The following FAM171B variants were observed in gnomAD, a reference collection of about 807,000 sequenced individuals.
The protein encoded by FAM171B is protein FAM171B.
Under a neutral mutation model 75.6 loss-of-function variants are expected in FAM171B, and 19 were observed. That is an observed-to-expected ratio of 0.25 (90% CI 0.18 to 0.37). The LOEUF is 0.37. Among genes scored for constraint, FAM171B ranks in the 10% least tolerant of loss-of-function variants. The pLI is 1.00. For synonymous variants in FAM171B, 367 were observed against 361.7 expected, an observed-to-expected ratio of 1.01 and a Z score of -0.17; for missense variants, 848 against 982.4, an observed-to-expected ratio of 0.86 and a Z score of 1.83.
chr2:186,747,396 G>A, intron 4 of FAM171B, 146 bp downstream of exon 4: 1 of 454,366 alleles, frequency 2.2e-6, no homozygotes, highest in Non-Finnish European at 3.5e-6. Flanking sequence ...TTATTAAAAT[G>A]TATATAATAA....
intron 1 of FAM171B, among the ~76,000 whole-genome samples, chr2:186,706,306 T>C (rs556284982): frequency 3.3e-5 from 5 of 152,236 alleles, no homozygotes; most frequent in Non-Finnish European, 7.3e-5. Context: ...TTTAACTTGC[T>C]ATTTTTATCA....
chr2:186,700,511 T>G (rs889759635), intron 1 of FAM171B, among the ~76,000 whole-genome samples: 1 of 152,202 alleles, frequency 6.6e-6, no homozygotes, highest in Non-Finnish European at 1.5e-5. Context: ...ATGGCGTGTG[T>G]CCAGCTTCTT....
At chr2:186,717,519 T>C (rs1689890630) in intron 1 of FAM171B, among the ~76,000 whole-genome samples, 1 of 152,184 alleles carries the variant, frequency 6.6e-6, no homozygotes, top group African/African-American at 2.4e-5. Flanking sequence ...AGGAGGACGG[T>C]AGATGAGTCT....
chr2:186,744,561 C>T (rs941830956), intron 3 of FAM171B, among the ~76,000 whole-genome samples: 4 of 152,180 alleles, frequency 2.6e-5, no homozygotes, highest in African/African-American at 7.2e-5. Flanking sequence ...GAGTTTCGCT[C>T]TTGTTGCCCA....
chr2:186,761,537 A>G lies in FAM171B; in HGVS notation c.1195A>G (p.Lys399Glu). The G allele has an allele frequency of 1.2e-6, 2 of 1,604,752 alleles. No individual in the cohort carries two copies. The highest frequency in any genetic ancestry group is 1.7e-6 in the Non-Finnish European group (2 of 1,177,400). The change falls in exon 8 of 8, where the codon AAG (lysine) becomes GAG (glutamate). Residue 399 changes from lysine to glutamate, a missense_variant. Lys to Glu is a moderately conservative substitution (Grantham distance 56). Coordinates refer to ENST00000304698, the MANE Select transcript of FAM171B (RefSeq NM_177454.4). ...AAATATCACTAAACTTGAGGTCCTC[A>G]AGAGAGACCAGACAACTTCAACAAC... ...ERNITKLEVL[K>E]RDQTTSTTHI...
chr2:186,702,620 G>T (rs1226184828), intron 1 of FAM171B, among the ~76,000 whole-genome samples: 1 of 152,040 alleles, frequency 6.6e-6, no homozygotes. Context: ...TGAATATAAG[G>T]CCAGTTTATT....
chr2:186,761,507 G>A lies in FAM171B; in HGVS notation c.1165G>A (p.Glu389Lys). The A allele has an allele frequency of 6.3e-7, 1 of 1,583,502 alleles. No homozygotes were observed. Among genetic ancestry groups the A allele is most frequent in the East Asian group, 2.2e-5 (1 of 44,728 alleles). The change falls in exon 8 of 8, where the codon GAA becomes AAA. Residue 389 changes from glutamate to lysine, a missense_variant. By Grantham distance (56) the Glu-to-Lys change is moderately conservative (BLOSUM62 1). Around this residue, in one of 3 missense-constraint regions of FAM171B, gnomAD observed 665 missense variants for 729.0 expected, o/e 0.91. Coordinates refer to ENST00000304698, the MANE Select transcript of FAM171B (RefSeq NM_177454.4). ...RDKCGTPQKRERNITKLEVLK... is the reference protein window; with the variant it reads ...RDKCGTPQKRKRNITKLEVLK... Reference sequence around the variant, plus strand: ...CAAGTGTGGTACTCCACAGAAAAGAGAAAGAAATATCACTAAACTTGAGGT... The same window carrying A: ...CAAGTGTGGTACTCCACAGAAAAGAAAAAGAAATATCACTAAACTTGAGGT...
intron 6 of FAM171B, among the ~76,000 whole-genome samples, chr2:186,759,303 T>A (rs1690581072): frequency 6.6e-6 from 1 of 152,080 alleles, no homozygotes; most frequent in Non-Finnish European, 1.5e-5. Context: ...CGCTGCTGGG[T>A]TAGGGTCTTC....
chr2:186,717,302 G>T (rs1441683041), intron 1 of FAM171B, among the ~76,000 whole-genome samples: 4 of 152,178 alleles, frequency 2.6e-5, no homozygotes, highest in African/African-American at 7.2e-5. Context: ...ATTGCATGAA[G>T]AATTTTTGTG....
intron 3 of FAM171B, among the ~76,000 whole-genome samples, chr2:186,744,845 T>G (rs959212715): frequency 6.6e-6 from 1 of 151,074 alleles, no homozygotes; most frequent in Non-Finnish European, 1.5e-5. Flanking sequence ...TTTTTTTTTT[T>G]TTTGAGACAG....
intron 1 of FAM171B, chr2:186,695,178 G>C (rs565286761): frequency 7.2e-5 from 11 of 152,334 alleles, no homozygotes; most frequent in African/African-American, 2.6e-4. Flanking sequence ...ACTTAAATGA[G>C]GCAGATTCTT....
chr2:186,731,337 A>G (rs1438249263), intron 1 of FAM171B, among the ~76,000 whole-genome samples: 1 of 152,178 alleles, frequency 6.6e-6, no homozygotes, highest in East Asian at 1.9e-4. Flanking sequence ...CTGGAAGGAG[A>G]GGGACTAGGG....
Position 186,720,456 on chromosome 2 carries a change from A to G in FAM171B, c.239-19772A>G, listed in dbSNP as rs188796146. Among the ~76,000 whole-genome samples, 282 of 152,244 alleles carry G rather than the reference A, an allele frequency of 1.9e-3. 1 individual carries two copies. The highest frequency in any genetic ancestry group is 3.1e-3 in the Non-Finnish European group (210 of 68,006). On this transcript the variant is annotated intron_variant, in intron 1 of 7. Coordinates refer to ENST00000304698, the MANE Select transcript of FAM171B (RefSeq NM_177454.4). ...GTATCCCCTCTCCAGAATGGCTCCT[A>G]CTGATACAGTCAATATTAACAATTT...
chr2:186,736,567 G>GTGTGTGA (rs55683607), intron 1 of FAM171B, among the ~76,000 whole-genome samples: 37 of 104,628 alleles, frequency 3.5e-4, no homozygotes, highest in East Asian at 1.6e-3. Context: ...TGTGTGTGTG[G>GTGTGTGA]GAGAGAGAGA....
In FAM171B at chr2:186,696,466, A is replaced by AAC. The variant is rs951070311; in HGVS notation, c.238+2056_238+2057insCA. Among the ~76,000 whole-genome samples the AAC allele has an allele frequency of 5.5e-5, 8 of 145,458 alleles. No homozygotes were observed. The East Asian group carries it at 1.4e-3, about 26-fold the overall frequency. On this transcript the variant is annotated intron_variant, in intron 1 of 7. Transcript: ENST00000304698. ...CACAGCTAGCGATCTTTAAAAAAAA[A>AAC]AAAAACATTAAATAGGATCATTTCT...
rs776693409 is a variant in FAM171B at position 186,762,813 on chromosome 2, C to T, written c.2471C>T (p.Pro824Leu). 6.2e-7 allele frequency: 1 copy of T among 1,609,954 alleles called. No homozygotes were observed. Residue 824 changes from proline to leucine, a missense_variant, in exon 8 of 8, where the codon CCC (proline) becomes CTC (leucine). This residue lies in a region of FAM171B where 136 missense variants were observed against 159.3 expected (regional missense o/e 0.85). Coordinates refer to ENST00000304698, the MANE Select transcript of FAM171B (RefSeq NM_177454.4). The surrounding 1 kb of genome is among the most constrained non-coding windows in gnomAD (Gnocchi z 4.0). ...WKKREERPLI[P>L]IN is the part of the protein sequence containing the mutation. Reference sequence around the variant, plus strand: ...AAGCGAGAGGAACGCCCACTGATTCCCATAAATTAACTCCAATGGGGATTG... The same window carrying T: ...AAGCGAGAGGAACGCCCACTGATTCTCATAAATTAACTCCAATGGGGATTG...
At chr2:186,707,857 T>C (rs775948466) in intron 1 of FAM171B, among the ~76,000 whole-genome samples, 5 of 151,052 alleles carry the variant, frequency 3.3e-5, no homozygotes, top group Non-Finnish European at 7.4e-5. Flanking sequence ...AAAAAAAAGG[T>C]TTTTCATTGA....
chr2:186,747,101 C>T lies in FAM171B; in HGVS notation c.575C>T (p.Ser192Phe). ...LITGKLADAKSQPSVQFSKAL... is the reference protein window; with the variant it reads ...LITGKLADAKFQPSVQFSKAL... ...GTTTCCTTTTTTCCAGATGCCAAGT[C>T]TCAACCAAGTGTTCAGTTTTCAAAA... Residue 192 changes from serine to phenylalanine, a missense_variant, in exon 4 of 8, where the codon TCT (serine) becomes TTT (phenylalanine). By Grantham distance (155) the Ser-to-Phe change is radical. Coordinates refer to ENST00000304698, the MANE Select transcript of FAM171B (RefSeq NM_177454.4). 1.9e-6 allele frequency: 3 copies of T among 1,587,906 alleles called. No homozygotes were observed. The highest frequency in any genetic ancestry group is 1.4e-5 in the African/African-American group (1 of 73,690).
chr2:186,702,411 A>T (rs912078998), intron 1 of FAM171B, among the ~76,000 whole-genome samples: 8 of 152,212 alleles, frequency 5.3e-5, no homozygotes, highest in Non-Finnish European at 1.0e-4. Context: ...ATTGCTATAT[A>T]ACTGTGTGAG....
Sources: allele counts gnomAD v4.1 joint callset (sites outside exome capture counted in the v4.1 genomes callset), GRCh38; gene constraint gnomAD v4.1.1; regional missense constraint gnomAD v4.1.1; non-coding constraint Gnocchi (gnomAD v3.1); transcripts MANE v1.5; gene names NCBI Gene and HGNC (gene_info 2026-07-23, HGNC 2026-07-21).